GABRA3: variants seen among roughly 807,000 people sequenced by gnomAD.
GABRA3 encodes gamma-aminobutyric acid type A receptor subunit alpha3, also known as gamma-aminobutyric acid receptor subunit alpha-3.
GABRA3 carries 10 observed loss-of-function variants against 30.1 expected under a neutral mutation model. The observed-to-expected ratio is 0.33, with a 90% CI of 0.20 to 0.56. The LOEUF is 0.56. Ranked by LOEUF, GABRA3 falls within the 20% of genes least tolerant of loss-of-function variation. GABRA3 has a pLI of 0.89. For synonymous variants in GABRA3, 151 were observed against 146.8 expected (o/e 1.03, Z -0.21); for missense variants, 233 against 392.0 (o/e 0.59, Z 3.42).
intron 3 of GABRA3, among the ~76,000 whole-genome samples, chrX:152,334,770 A>T (rs1042290403): frequency 9.0e-6 from 1 of 111,336 alleles, no homozygotes; most frequent in Non-Finnish European, 1.9e-5. Context: ...AAAAAAAATT[A>T]TTCAAGAAAA....
intron 1 of GABRA3, among the ~76,000 whole-genome samples, chrX:152,430,625 C>T (rs932220934): frequency 1.8e-5 from 2 of 111,215 alleles, no homozygotes; most frequent in African/African-American, 6.5e-5. Context: ...TGGTTCTGAA[C>T]TAGGGACTGA....
intron 2 of GABRA3, among the ~76,000 whole-genome samples, chrX:152,355,320 T>C (rs1011479789): frequency 1.7e-4 from 19 of 111,729 alleles, no homozygotes; most frequent in African/African-American, 6.2e-4. Context: ...CCCGTTCTCC[T>C]TTCTAGAAGG....
intron 5 of GABRA3, among the ~76,000 whole-genome samples, chrX:152,241,283 G>A (rs199811877): frequency 0.15 from 13,313 of 87,202 alleles, 788 homozygotes; most frequent in Admixed American, 0.25. Flanking sequence ...TGCCCCTGCT[G>A]GGGGGTGCCT....
At chrX:152,368,956 C>T (rs780170834) in intron 1 of GABRA3, among the ~76,000 whole-genome samples, 1 of 111,362 alleles carries the variant, frequency 9.0e-6, no homozygotes. Context: ...CCGCCCATCT[C>T]GGCCTCCCAA....
intron 9 of GABRA3, among the ~76,000 whole-genome samples, chrX:152,180,761 A>G (rs1164032943): frequency 1.8e-5 from 2 of 112,033 alleles, no homozygotes; most frequent in Non-Finnish European, 3.8e-5. Flanking sequence ...GTGTGTGGCT[A>G]TCCAGTTTTC....
chrX:152,266,120 A>G (rs1938819260), intron 4 of GABRA3, among the ~76,000 whole-genome samples: 1 of 111,620 alleles, frequency 9.0e-6, no homozygotes, highest in Non-Finnish European at 1.9e-5. Context: ...AGGGAATCCT[A>G]TATCAAGAGC....
chrX:152,315,125 G>A (rs1316280082), intron 3 of GABRA3, among the ~76,000 whole-genome samples: 2 of 111,175 alleles, frequency 1.8e-5, no homozygotes, highest in African/African-American at 6.6e-5. Flanking sequence ...CAGACCTTTT[G>A]AAGGAAGCAG....
chrX:152,206,506 C>T (rs1937545902), intron 7 of GABRA3, among the ~76,000 whole-genome samples: 1 of 112,012 alleles, frequency 8.9e-6, no homozygotes, highest in Non-Finnish European at 1.9e-5. Context: ...CTGGCAGTAC[C>T]TGTGCAGCCA....
At chrX:152,198,706 C>T (rs1937421857) in intron 7 of GABRA3, among the ~76,000 whole-genome samples, 1 of 111,942 alleles carries the variant, frequency 8.9e-6, no homozygotes, top group Non-Finnish European at 1.9e-5. Context: ...TTTCTAAACA[C>T]TGGAGGATGT....
intron 4 of GABRA3, among the ~76,000 whole-genome samples, chrX:152,262,268 C>T (rs905477284): frequency 8.9e-6 from 1 of 112,600 alleles, no homozygotes; most frequent in African/African-American, 3.2e-5. Flanking sequence ...AGATATTTTA[C>T]CCATTGTCTT....
chrX:152,305,980 T>A (rs1418553058), intron 3 of GABRA3, among the ~76,000 whole-genome samples: 1 of 111,951 alleles, frequency 8.9e-6, no homozygotes, highest in Non-Finnish European at 1.9e-5. Flanking sequence ...AGTACATTTT[T>A]ATCTCATACC....
At chrX:152,242,850 C>T (rs1324665557) in intron 5 of GABRA3, among the ~76,000 whole-genome samples, 1 of 112,159 alleles carries the variant, frequency 8.9e-6, no homozygotes. Context: ...ACCCAGCAAT[C>T]CCACTACTGT....
chrX:152,418,036 A>AG (rs1350277943), intron 1 of GABRA3, among the ~76,000 whole-genome samples: 1 of 110,232 alleles, frequency 9.1e-6, no homozygotes, highest in Non-Finnish European at 1.9e-5. Context: ...AAAAAAAAGA[A>AG]GAAAAAAAAG....
At chrX:152,221,113 G>A (rs1163587769) in intron 6 of GABRA3, among the ~76,000 whole-genome samples, 1 of 111,018 alleles carries the variant, frequency 9.0e-6, no homozygotes, top group African/African-American at 3.3e-5. Flanking sequence ...TATATTTTAA[G>A]TCATTCTATT....
intron 3 of GABRA3, among the ~76,000 whole-genome samples, chrX:152,343,447 C>CA (rs201238204): frequency 0.015 from 1,295 of 88,877 alleles, 6 homozygotes; most frequent in African/African-American, 0.027. Context: ...ACCTCAAATC[C>CA]AAAAAAAAAA....
intron 3 of GABRA3, among the ~76,000 whole-genome samples, chrX:152,337,282 T>A (rs1278452121): frequency 9.0e-6 from 1 of 111,360 alleles, no homozygotes; most frequent in Non-Finnish European, 1.9e-5. Context: ...GTCACCCTAT[T>A]GATTGTACTA....
intron 2 of GABRA3, among the ~76,000 whole-genome samples, chrX:152,346,740 T>C (rs544176432): frequency 8.9e-5 from 10 of 111,990 alleles, no homozygotes; most frequent in African/African-American, 3.2e-4. Context: ...TATGAAAAGG[T>C]GCTTAATATC....
At chrX:152,188,778 C>A (rs1032932422) in intron 9 of GABRA3, among the ~76,000 whole-genome samples, 1 of 111,769 alleles carries the variant, frequency 8.9e-6, no homozygotes, top group Non-Finnish European at 1.9e-5. Context: ...TTTGAAAAAT[C>A]ATTATCGTTT....
At chrX:152,387,896 T>TA (rs966641376) in intron 1 of GABRA3, among the ~76,000 whole-genome samples, 16 of 109,979 alleles carry the variant, frequency 1.5e-4, no homozygotes, top group Admixed American at 2.0e-4. Flanking sequence ...AAAAAGCCTG[T>TA]AAAAAAAAAT....
Sources: allele counts gnomAD v4.1 joint callset (sites outside exome capture counted in the v4.1 genomes callset), GRCh38; gene constraint gnomAD v4.1.1; transcripts MANE v1.5; gene names NCBI Gene and HGNC (gene_info 2026-07-23, HGNC 2026-07-21).